Variants in HECW1 observed in about 807,000 individuals in gnomAD.
HECW1 encodes HECT, C2 and WW domain containing E3 ubiquitin protein ligase 1, also known as E3 ubiquitin-protein ligase HECW1.
Under a neutral mutation model 182.3 loss-of-function variants are expected in HECW1, and 61 were observed. The ratio of observed to expected loss-of-function variants is 0.33; its 90% CI spans 0.27 to 0.41. HECW1 has a LOEUF of 0.41. Among genes scored for constraint, HECW1 ranks in the 10% least tolerant of loss-of-function variants. HECW1 has a pLI of 1.00. For synonymous variants in HECW1, 859 were observed against 832.6 expected (o/e 1.03, Z -0.55); for missense variants, 1,739 against 2,108.9 (o/e 0.82, Z 3.44).
intron 20 of HECW1, 68 bp downstream of exon 20, chr7:43,500,850 C>A: frequency 7.7e-7 from 1 of 1,298,194 alleles, no homozygotes; most frequent in South Asian, 1.2e-5. Context: ...TCACGGCCAC[C>A]CTGAAAATGG....
At chr7:43,267,752 G>A (rs1430871354) in intron 3 of HECW1, among the ~76,000 whole-genome samples, 1 of 152,030 alleles carries the variant, frequency 6.6e-6, no homozygotes, top group African/African-American at 2.4e-5. Flanking sequence ...ATAAAATTAT[G>A]TATAGTTCAA....
At chr7:43,352,140 G>A (rs1814554815) in intron 5 of HECW1, among the ~76,000 whole-genome samples, 1 of 152,092 alleles carries the variant, frequency 6.6e-6, no homozygotes. Flanking sequence ...GAGTTTTCAT[G>A]TTCTGTATCT....
intron 2 of HECW1, chr7:43,118,665 G>A (rs987138809): frequency 1.3e-4 from 19 of 151,986 alleles, no homozygotes; most frequent in African/African-American, 3.1e-4. Flanking sequence ...ACTTAATGAC[G>A]TTTTCCCTCT....
intron 17 of HECW1, among the ~76,000 whole-genome samples, chr7:43,480,282 A>G (rs552153982): frequency 6.6e-6 from 1 of 152,312 alleles, no homozygotes; most frequent in African/African-American, 2.4e-5. Flanking sequence ...ATGAAAGGCT[A>G]AGGATCACTT....
At chr7:43,523,772 A>T (rs2080632701) in intron 24 of HECW1, among the ~76,000 whole-genome samples, 1 of 152,120 alleles carries the variant, frequency 6.6e-6, no homozygotes, top group South Asian at 2.1e-4. Context: ...GGCTGGTGAT[A>T]TGAGGGGGAT....
intron 13 of HECW1, among the ~76,000 whole-genome samples, chr7:43,460,322 C>T (rs541909243): frequency 1.3e-5 from 2 of 152,184 alleles, no homozygotes; most frequent in East Asian, 1.9e-4. Context: ...AAGAGGTGCT[C>T]CTCGTATTTT....
At chr7:43,483,122 C>A (rs1169304880) in intron 17 of HECW1, among the ~76,000 whole-genome samples, 1 of 152,096 alleles carries the variant, frequency 6.6e-6, no homozygotes, top group African/African-American at 2.4e-5. Context: ...TTTCAGAAAA[C>A]TTTAGTGCTG....
intron 7 of HECW1, among the ~76,000 whole-genome samples, chr7:43,403,960 G>T (rs1317101488): frequency 6.6e-6 from 1 of 152,084 alleles, no homozygotes; most frequent in Non-Finnish European, 1.5e-5. Flanking sequence ...AAAATGAGAA[G>T]AAATTAACTA....
intron 24 of HECW1, among the ~76,000 whole-genome samples, chr7:43,524,025 A>G (rs1292007871): frequency 6.6e-6 from 1 of 152,082 alleles, no homozygotes; most frequent in Non-Finnish European, 1.5e-5. Flanking sequence ...AAGATGAGGG[A>G]CTTGGAATGG....
At chr7:43,555,027 C>T (rs951949408) in intron 29 of HECW1, among the ~76,000 whole-genome samples, 1 of 152,112 alleles carries the variant, frequency 6.6e-6, no homozygotes, top group Non-Finnish European at 1.5e-5. Flanking sequence ...TATCTTGGTC[C>T]ATGTGTCAGT....
At chr7:43,543,975 T>C (rs2081462250) in intron 26 of HECW1, among the ~76,000 whole-genome samples, 1 of 152,154 alleles carries the variant, frequency 6.6e-6, no homozygotes, top group Non-Finnish European at 1.5e-5. Flanking sequence ...GACAACTGGG[T>C]AGCCATCTGT....
intron 26 of HECW1, among the ~76,000 whole-genome samples, chr7:43,549,355 A>G (rs931113265): frequency 2.6e-5 from 4 of 152,242 alleles, no homozygotes; most frequent in Admixed American, 6.5e-5. Context: ...AAAAGTCACC[A>G]TCAGACTACT....
intron 28 of HECW1, among the ~76,000 whole-genome samples, chr7:43,554,296 A>G (rs2081949071): frequency 6.6e-6 from 1 of 152,256 alleles, no homozygotes; most frequent in Non-Finnish European, 1.5e-5. Flanking sequence ...TATATGAGGC[A>G]GGAACATTTT....
At chr7:43,558,027 A>G (rs564470045) in intron 29 of HECW1, among the ~76,000 whole-genome samples, 1 of 152,336 alleles carries the variant, frequency 6.6e-6, no homozygotes, top group African/African-American at 2.4e-5. Flanking sequence ...AGTGTGAAGA[A>G]TGTCCATCCA....
chr7:43,225,513 G>A (rs1272688477), intron 2 of HECW1, among the ~76,000 whole-genome samples: 1 of 152,180 alleles, frequency 6.6e-6, no homozygotes, highest in Non-Finnish European at 1.5e-5. Flanking sequence ...ATGCTCATCT[G>A]TAGGAGAACA....
Position 43,456,701 on chromosome 7 carries a change from T to C in HECW1, c.2651+254T>C, listed in dbSNP as rs990319798. ...CTTCTTAATAGCCTAGGCACAAAAA[T>C]AGGAGTTTTTAACCAAGGGCCAGTG... is the stretch of plus-strand genomic sequence containing the variant. On this transcript the variant is annotated intron_variant, in intron 13 of 29. Transcript: ENST00000395891. Among the ~76,000 whole-genome samples, 67 of 152,132 alleles carry C rather than the reference T, an allele frequency of 4.4e-4. 1 individual carries two copies. The highest frequency in any genetic ancestry group is 1.2e-4 in the Non-Finnish European group (8 of 68,030).
intron 2 of HECW1, among the ~76,000 whole-genome samples, chr7:43,142,741 T>C (rs531316819): frequency 3.3e-5 from 5 of 152,220 alleles, no homozygotes; most frequent in Admixed American, 6.5e-5. Flanking sequence ...ATTGGTTCTT[T>C]TAGCACTCCA....
chr7:43,426,658 T>A (rs575655336), intron 8 of HECW1, among the ~76,000 whole-genome samples: 2 of 152,314 alleles, frequency 1.3e-5, no homozygotes, highest in East Asian at 3.9e-4. Context: ...TGTCCCTTTT[T>A]AAAAATTTTC....
chr7:43,255,670 A>G (rs895003300), intron 3 of HECW1, among the ~76,000 whole-genome samples: 8 of 152,050 alleles, frequency 5.3e-5, no homozygotes, highest in African/African-American at 1.9e-4. Context: ...AATATTTGTG[A>G]CGTGGCTCTT....
Sources: gnomAD v4.1 joint callset for allele counts (sites outside exome capture counted in the v4.1 genomes callset) on GRCh38, gnomAD v4.1.1 for gene constraint, MANE v1.5 for transcripts, NCBI Gene and HGNC (gene_info 2026-07-23, HGNC 2026-07-21) for gene names.